TMCC1: variants seen among roughly 807,000 people sequenced by gnomAD.
TMCC1 encodes transmembrane and coiled-coil domain family 1, also known as transmembrane and coiled-coil domains protein 1.
TMCC1 carries 15 observed loss-of-function variants against 52.4 expected under a neutral mutation model. The observed-to-expected ratio is 0.29, with a 90% CI of 0.19 to 0.44. TMCC1 has a LOEUF of 0.44. TMCC1 is among the 20% of genes least tolerant of loss of function. The probability of loss-of-function intolerance (pLI) is 1.00; values close to 1 mark genes in which losing one functional copy is unlikely to be tolerated. For synonymous variants in TMCC1, 279 were observed against 301.9 expected, an observed-to-expected ratio of 0.92 and a Z score of 0.79; for missense variants, 503 against 806.0, an observed-to-expected ratio of 0.62 and a Z score of 4.55.
chr3:129,754,076 T>C (rs541487442), intron 4 of TMCC1, among the ~76,000 whole-genome samples: 1 of 152,296 alleles, frequency 6.6e-6, no homozygotes, highest in South Asian at 2.1e-4. Context: ...ATGGTATTCC[T>C]ATGTACCAGC....
At chr3:129,834,973 T>C (rs1009409911) in intron 2 of TMCC1, among the ~76,000 whole-genome samples, 2 of 152,242 alleles carry the variant, frequency 1.3e-5, no homozygotes, top group African/African-American at 2.4e-5. Flanking sequence ...CTCTAGACGG[T>C]TGTGAGAGCT....
At chr3:129,857,258 AAG>A (rs148009863) in intron 2 of TMCC1, 7,507 of 152,250 alleles carry the variant, frequency 0.049, 561 homozygotes, top group African/African-American at 0.17. Flanking sequence ...ACCTACAGGG[AAG>A]AGAGTCCAGT....
intron 1 of TMCC1, among the ~76,000 whole-genome samples, chr3:129,889,166 G>T (rs78979795): frequency 6.6e-6 from 1 of 152,028 alleles, no homozygotes. Flanking sequence ...CAGCTACTCC[G>T]GACATTGAGG....
At chr3:129,668,807 T>G (rs2087678868) in intron 5 of TMCC1, among the ~76,000 whole-genome samples, 1 of 152,146 alleles carries the variant, frequency 6.6e-6, no homozygotes. Context: ...GTATTTTTAG[T>G]AGAGACAAGG....
intron 2 of TMCC1, among the ~76,000 whole-genome samples, chr3:129,851,562 G>T (rs564799221): frequency 1.3e-5 from 2 of 152,090 alleles, no homozygotes; most frequent in Non-Finnish European, 2.9e-5. Flanking sequence ...ACATTAGGAC[G>T]GCTACTATCA....
intron 4 of TMCC1, among the ~76,000 whole-genome samples, chr3:129,812,068 G>A (rs1368628916): frequency 6.6e-6 from 1 of 151,918 alleles, no homozygotes; most frequent in African/African-American, 2.4e-5. Flanking sequence ...ATGGCTGGGC[G>A]TGGTGGCTCA....
At chr3:129,748,454 A>C (rs926147482) in intron 4 of TMCC1, among the ~76,000 whole-genome samples, 3 of 151,980 alleles carry the variant, frequency 2.0e-5, no homozygotes, top group African/African-American at 7.3e-5. Context: ...TGCCCGGCTA[A>C]TTTTTGTATT....
At chr3:129,891,490 C>G (rs1175473660) in intron 1 of TMCC1, among the ~76,000 whole-genome samples, 5 of 152,140 alleles carry the variant, frequency 3.3e-5, no homozygotes, top group African/African-American at 1.2e-4. Flanking sequence ...TGCTTTTGTA[C>G]TAAAACAGAA....
At chr3:129,892,143 A>AT (rs2061996377) in intron 1 of TMCC1, among the ~76,000 whole-genome samples, 1 of 152,248 alleles carries the variant, frequency 6.6e-6, no homozygotes, top group Non-Finnish European at 1.5e-5. Context: ...TAATTATAAC[A>AT]GTTCTACATC....
intron 4 of TMCC1, among the ~76,000 whole-genome samples, chr3:129,745,790 C>T (rs1576663152): frequency 6.6e-6 from 1 of 151,772 alleles, no homozygotes; most frequent in Non-Finnish European, 1.5e-5. Flanking sequence ...GGTAAAACCC[C>T]GTCTCTACTA....
intron 4 of TMCC1, among the ~76,000 whole-genome samples, chr3:129,754,128 AT>A (rs1372658185): frequency 6.6e-6 from 1 of 152,230 alleles, no homozygotes; most frequent in African/African-American, 2.4e-5. Flanking sequence ...AATACCATTT[AT>A]CACAGCCCCC....
intron 2 of TMCC1, among the ~76,000 whole-genome samples, chr3:129,875,142 C>T (rs886214441): frequency 6.6e-6 from 1 of 151,524 alleles, no homozygotes; most frequent in African/African-American, 2.4e-5. Context: ...ATCACTTGAG[C>T]CCAGTAGTTC....
intron 4 of TMCC1, among the ~76,000 whole-genome samples, chr3:129,677,697 T>C (rs1451192642): frequency 2.0e-5 from 3 of 152,202 alleles, no homozygotes; most frequent in African/African-American, 7.2e-5. Flanking sequence ...CCTGAGCTGG[T>C]TGTCATGGCT....
At position 129,818,575 on chromosome 3, in the gene TMCC1, T is replaced by C. The variant is rs866923797; in HGVS notation, c.576+9228A>G. 2.6e-3 allele frequency among the ~76,000 whole-genome samples: 54 copies of C among 21,152 alleles called. 2 individuals carry two copies. Among genetic ancestry groups the C allele is most frequent in the African/African-American group, 0.011 (40 of 3,672 alleles). 13.9% of individuals were successfully genotyped at this position (21,152 alleles called of 152,430 possible). A position where few individuals can be genotyped will look rare whatever the true frequency, so the allele number is the denominator to read the frequency against. ...TAAAGAAACTTTTAAAGAAAAGTTTTAAAGAAACTTTTAAAGAAAAGTTTT... is the reference window on the plus strand; with the variant it reads ...TAAAGAAACTTTTAAAGAAAAGTTTCAAAGAAACTTTTAAAGAAAAGTTTT... On this transcript the variant is annotated intron_variant, in intron 4 of 6. Coordinates refer to ENST00000393238, the MANE Select transcript of TMCC1 (RefSeq NM_001017395.5).
chr3:129,769,586 G>A (rs985236642), intron 4 of TMCC1, among the ~76,000 whole-genome samples: 13 of 144,210 alleles, frequency 9.0e-5, no homozygotes, highest in African/African-American at 3.1e-4. Flanking sequence ...ATTAGCTATC[G>A]TTAGTGTATT....
At chr3:129,680,109 T>C (rs2088839596) in intron 4 of TMCC1, among the ~76,000 whole-genome samples, 1 of 152,214 alleles carries the variant, frequency 6.6e-6, no homozygotes, top group Non-Finnish European at 1.5e-5. Flanking sequence ...CTTGCATGAA[T>C]TGCCCTAAAA....
chr3:129,801,724 C>A (rs142877104), intron 4 of TMCC1, among the ~76,000 whole-genome samples: 1 of 152,166 alleles, frequency 6.6e-6, no homozygotes, highest in Non-Finnish European at 1.5e-5. Context: ...CGTGAACCAC[C>A]GCGCCCGGCC....
chr3:129,797,443 T>C (rs1015001142), intron 4 of TMCC1, among the ~76,000 whole-genome samples: 1 of 151,658 alleles, frequency 6.6e-6, no homozygotes, highest in African/African-American at 2.4e-5. Flanking sequence ...AACCAAAATG[T>C]ATATATAAAA....
intron 1 of TMCC1, among the ~76,000 whole-genome samples, chr3:129,890,999 T>C (rs2061939831): frequency 6.6e-6 from 1 of 152,226 alleles, no homozygotes; most frequent in Non-Finnish European, 1.5e-5. Context: ...ACATAAAATG[T>C]ATTTACATAA....
Sources: allele counts gnomAD v4.1 joint callset (sites outside exome capture counted in the v4.1 genomes callset), GRCh38; gene constraint gnomAD v4.1.1; transcripts MANE v1.5; gene names NCBI Gene and HGNC (gene_info 2026-07-23, HGNC 2026-07-21).